The following CUBN variants were observed in gnomAD, a reference collection of about 807,000 sequenced individuals.
CUBN encodes the protein cubilin.
Under a neutral mutation model 405.3 loss-of-function variants are expected in CUBN, and 282 were observed. That is an observed-to-expected ratio of 0.70 (90% CI 0.63 to 0.77). The LOEUF (loss-of-function observed/expected upper bound fraction) is 0.77. Among genes scored for constraint, CUBN ranks in the 30% least tolerant of loss-of-function variants. CUBN has a pLI of 0.00. For synonymous variants in CUBN, 1,684 were observed against 1,617.0 expected, an observed-to-expected ratio of 1.04 and a Z score of -0.99; for missense variants, 4,514 against 4,475.2, an observed-to-expected ratio of 1.01 and a Z score of -0.25.
At chr10:16,929,299 T>C (rs1842301398) in intron 40 of CUBN, among the ~76,000 whole-genome samples, 2 of 152,140 alleles carry the variant, frequency 1.3e-5, no homozygotes, top group Non-Finnish European at 2.9e-5. Context: ...GGATATAAGC[T>C]TTGATCAAAG....
At position 16,835,122 on chromosome 10, in the gene CUBN, G is replaced by A; in HGVS notation, c.10254C>T (p.Asp3418=). The change falls in exon 64 of 67, where the codon GAC becomes GAT. Residue 3418 remains aspartate, a synonymous_variant. Transcript: ENST00000377833. The part of the protein sequence containing the change: ...SPGWPDNYDN[D]KDCTVTLTAP... ...CTGTGAGAGTAACGGTGCAATCCTT[G>A]TCATTGTCGTAGTTATCTGGCCATC... The A allele has an allele frequency of 1.9e-6, 3 of 1,614,136 alleles. No individual in the cohort carries two copies. The highest frequency in any genetic ancestry group is 2.5e-6 in the Non-Finnish European group (3 of 1,179,974).
chr10:16,974,335 C>T (rs1440856214), intron 31 of CUBN, among the ~76,000 whole-genome samples: 2 of 152,256 alleles, frequency 1.3e-5, no homozygotes, highest in East Asian at 1.9e-4. Context: ...GTGTGGCTCA[C>T]TTCTTATTTT....
intron 48 of CUBN, 81 bp downstream of exon 48, chr10:16,913,730 T>C: frequency 6.5e-7 from 1 of 1,540,362 alleles, no homozygotes; most frequent in South Asian, 1.1e-5. Context: ...TTTCCTGACC[T>C]AGTTTTCTGA....
At chr10:16,913,186 C>A (rs1217880366) in intron 48 of CUBN, among the ~76,000 whole-genome samples, 2 of 152,182 alleles carry the variant, frequency 1.3e-5, no homozygotes, top group Non-Finnish European at 2.9e-5. Flanking sequence ...GCAGAAGGGG[C>A]AAGTTGGGTG....
intron 39 of CUBN, among the ~76,000 whole-genome samples, chr10:16,935,442 C>T (rs368604731): frequency 2.1e-4 from 32 of 152,338 alleles, no homozygotes; most frequent in African/African-American, 7.0e-4. Flanking sequence ...GCATGAGCCA[C>T]TGTGCCTGGT....
intron 48 of CUBN, among the ~76,000 whole-genome samples, chr10:16,910,806 T>C (rs1009199059): frequency 6.6e-6 from 1 of 151,660 alleles, no homozygotes; most frequent in African/African-American, 2.4e-5. Context: ...TTTAAATATA[T>C]ACTTTTCAAA....
At chr10:16,940,007 T>A in intron 37 of CUBN, 25 bp downstream of exon 37, 1 of 1,567,370 alleles carries the variant, frequency 6.4e-7, no homozygotes. Context: ...TTCTGGAAGC[T>A]ATCACTAAAA....
At position 17,090,826 on chromosome 10, in the gene CUBN, T is replaced by TAA. The variant is rs59564374; in HGVS notation, c.1766-2483_1766-2482dup. Among the ~76,000 whole-genome samples the TAA allele has an allele frequency of 1.3e-3, 121 of 94,012 alleles. 1 individual carries two copies. The highest frequency in any genetic ancestry group is 0.01 in the East Asian group (32 of 3,194). 61.7% of individuals were successfully genotyped at this position (94,012 alleles called of 152,430 possible). ...TGAGAGAAGAGGTAGAAATGTAAAG[T>TAA]AAAAAAAAAAAAAAAAAGCAACTCT... On this transcript the variant is annotated intron_variant, in intron 14 of 66. Coordinates refer to ENST00000377833, the MANE Select transcript of CUBN (RefSeq NM_001081.4).
intron 28 of CUBN, among the ~76,000 whole-genome samples, chr10:17,010,711 T>C (rs965499906): frequency 6.6e-6 from 1 of 152,214 alleles, no homozygotes; most frequent in Non-Finnish European, 1.5e-5. Flanking sequence ...TCTACAAGCT[T>C]AGTTATCACA....
chr10:16,946,403 T>C (rs1441796063), intron 36 of CUBN, among the ~76,000 whole-genome samples: 1 of 151,584 alleles, frequency 6.6e-6, no homozygotes, highest in East Asian at 1.9e-4. Context: ...TATAGTGCAA[T>C]GAGGAATATG....
chr10:16,907,446 A>G lies in CUBN; in HGVS notation c.7705+62T>C, dbSNP rs865941867. 33 of 1,533,932 alleles carry G rather than the reference A, an allele frequency of 2.2e-5. No homozygotes were observed. The Middle Eastern group carries it at 1.0e-3, about 47-fold the overall frequency. ...GGATGGCTCTGCTGCCATTGGCAGTAGATGGGGGCATCTGCAGTGCCCCTG... is the reference window on the plus strand; with the variant it reads ...GGATGGCTCTGCTGCCATTGGCAGTGGATGGGGGCATCTGCAGTGCCCCTG... On this transcript the variant is annotated intron_variant, in intron 49 of 66. Coordinates refer to ENST00000377833, the MANE Select transcript of CUBN (RefSeq NM_001081.4).
intron 28 of CUBN, among the ~76,000 whole-genome samples, chr10:17,009,628 T>C (rs557509690): frequency 6.6e-6 from 1 of 152,274 alleles, no homozygotes; most frequent in South Asian, 2.1e-4. Flanking sequence ...ACTGTACGGA[T>C]GAATCACTTA....
intron 43 of CUBN, among the ~76,000 whole-genome samples, 169 bp downstream of exon 43, chr10:16,925,072 C>A (rs1259761984): frequency 6.6e-6 from 1 of 152,112 alleles, no homozygotes; most frequent in Non-Finnish European, 1.5e-5. Flanking sequence ...TGATACTTTA[C>A]TTGAAAAGTA....
intron 19 of CUBN, among the ~76,000 whole-genome samples, chr10:17,070,421 T>C (rs910529816): frequency 6.6e-6 from 1 of 152,200 alleles, no homozygotes; most frequent in African/African-American, 2.4e-5. Context: ...GTGATTTTTA[T>C]GGGGATTGAA....
At chr10:17,041,633 G>A (rs1345024872) in intron 26 of CUBN, among the ~76,000 whole-genome samples, 2 of 151,996 alleles carry the variant, frequency 1.3e-5, no homozygotes, top group African/African-American at 2.4e-5. Flanking sequence ...ATGTTAACAC[G>A]TGGAAGGGAC....
chr10:17,044,889 T>G, intron 25 of CUBN, 118 bp downstream of exon 25: 1 of 1,068,562 alleles, frequency 9.4e-7, no homozygotes, highest in Non-Finnish European at 1.4e-6. Flanking sequence ...GTTTGAATTT[T>G]TATATGGATG....
intron 27 of CUBN, among the ~76,000 whole-genome samples, chr10:17,020,706 T>C (rs1280301198): frequency 6.6e-6 from 1 of 152,136 alleles, no homozygotes; most frequent in Non-Finnish European, 1.5e-5. Flanking sequence ...TGTATTTAAT[T>C]GTGTTTCTTG....
At chr10:17,125,312 T>C (rs1435613389) in intron 4 of CUBN, among the ~76,000 whole-genome samples, 3 of 152,166 alleles carry the variant, frequency 2.0e-5, no homozygotes, top group African/African-American at 7.2e-5. Context: ...TACGTCTGTT[T>C]CCTTCATTTT....
chr10:17,096,811 A>T (rs757582690), intron 14 of CUBN, among the ~76,000 whole-genome samples: 2 of 152,122 alleles, frequency 1.3e-5, no homozygotes, highest in Non-Finnish European at 2.9e-5. Flanking sequence ...TAGTGATCAC[A>T]TTGGTAAATA....
Sources: gnomAD v4.1 joint callset for allele counts (sites outside exome capture counted in the v4.1 genomes callset) on GRCh38, gnomAD v4.1.1 for gene constraint, MANE v1.5 for transcripts, NCBI Gene and HGNC (gene_info 2026-07-23, HGNC 2026-07-21) for gene names.